ADGRB3: variants seen among roughly 807,000 people sequenced by gnomAD.
ADGRB3 encodes brain-specific angiogenesis inhibitor 3.
In ADGRB3, 37 loss-of-function variants were observed where a neutral mutation model predicts 193.4. That is an observed-to-expected ratio of 0.19 (90% CI 0.15 to 0.25). The LOEUF (loss-of-function observed/expected upper bound fraction) is 0.25. Ranked by LOEUF, ADGRB3 falls within the 10% of genes least tolerant of loss-of-function variation. The pLI is 1.00. For missense variants in ADGRB3, 1,637 were observed against 1,852.9 expected, an observed-to-expected ratio of 0.88 and a Z score of 2.14; for synonymous variants, 690 against 644.2, an observed-to-expected ratio of 1.07 and a Z score of -1.08.
At chr6:69,372,501 T>C in intron 30 of ADGRB3, 60 bp downstream of exon 30, 1 of 924,782 alleles carries the variant, frequency 1.1e-6, no homozygotes, top group East Asian at 3.2e-5. Flanking sequence ...AGATATATAG[T>C]TACTTAAAAA....
intron 3 of ADGRB3, among the ~76,000 whole-genome samples, chr6:68,876,203 T>C (rs1459103360): frequency 6.6e-6 from 1 of 152,136 alleles, no homozygotes; most frequent in African/African-American, 2.4e-5. Flanking sequence ...ACAAGATGAC[T>C]TACAGGTAAA....
intron 3 of ADGRB3, among the ~76,000 whole-genome samples, chr6:68,887,655 T>A (rs1022522432): frequency 8.0e-6 from 1 of 125,444 alleles, no homozygotes; most frequent in African/African-American, 2.5e-5. Context: ...CTTAACTCTT[T>A]GTTTAATATC....
intron 17 of ADGRB3, among the ~76,000 whole-genome samples, chr6:69,198,219 T>C (rs895996433): frequency 6.6e-6 from 1 of 152,046 alleles, no homozygotes; most frequent in African/African-American, 2.4e-5. Flanking sequence ...TTGTTGGTCT[T>C]ACTCATAATT....
At chr6:69,137,632 AC>A (rs1160114356) in intron 17 of ADGRB3, among the ~76,000 whole-genome samples, 1 of 152,050 alleles carries the variant, frequency 6.6e-6, no homozygotes, top group African/African-American at 2.4e-5. Flanking sequence ...CCCCATCTCT[AC>A]TAAAAATACA....
intron 16 of ADGRB3, among the ~76,000 whole-genome samples, chr6:69,070,917 A>C (rs906383696): frequency 6.6e-6 from 1 of 152,216 alleles, no homozygotes; most frequent in African/African-American, 2.4e-5. Context: ...AACTTGTTTC[A>C]GATCTCTGCT....
chr6:69,226,309 T>C (rs1001007681), intron 17 of ADGRB3, among the ~76,000 whole-genome samples: 73 of 152,220 alleles, frequency 4.8e-4, no homozygotes, highest in African/African-American at 1.8e-3. Context: ...ATTTGTTGAA[T>C]AAATGAATGA....
At chr6:69,161,685 C>G (rs967887380) in intron 17 of ADGRB3, among the ~76,000 whole-genome samples, 1 of 152,078 alleles carries the variant, frequency 6.6e-6, no homozygotes, top group African/African-American at 2.4e-5. Flanking sequence ...AATGTGTCAG[C>G]TAGGGATATG....
At chr6:68,958,870 A>AGTGTGTGTGT (rs66559521) in intron 8 of ADGRB3, among the ~76,000 whole-genome samples, 3 of 147,234 alleles carry the variant, frequency 2.0e-5, no homozygotes, top group South Asian at 2.2e-4. Flanking sequence ...AAAGAAAAAT[A>AGTGTGTGTGT]GTGTGTGTGT....
At chr6:68,862,721 A>G (rs568059831) in intron 3 of ADGRB3, among the ~76,000 whole-genome samples, 2 of 152,346 alleles carry the variant, frequency 1.3e-5, no homozygotes, top group South Asian at 4.1e-4. Context: ...TTCATAAAAC[A>G]ATGATCCCTG....
At chr6:68,926,302 T>C (rs551138586) in intron 3 of ADGRB3, among the ~76,000 whole-genome samples, 1 of 152,148 alleles carries the variant, frequency 6.6e-6, no homozygotes, top group South Asian at 2.1e-4. Flanking sequence ...TGAAAGTCCA[T>C]TTTTAATTCA....
chr6:69,302,919 G>C (rs915423270), intron 20 of ADGRB3, among the ~76,000 whole-genome samples: 1 of 151,924 alleles, frequency 6.6e-6, no homozygotes, highest in African/African-American at 2.4e-5. Context: ...AACAGGTGGA[G>C]AGTGAAGAAT....
intron 24 of ADGRB3, among the ~76,000 whole-genome samples, chr6:69,333,986 TAAAATAAAATAAAATA>T (rs1768786287): frequency 8.6e-6 from 1 of 116,162 alleles, no homozygotes; most frequent in Non-Finnish European, 1.7e-5. Context: ...TAAAATAAAA[TAAAATAAAATAAAATA>T]AAATAAAATA....
chr6:68,922,734 C>CA (rs1188824166), intron 3 of ADGRB3, among the ~76,000 whole-genome samples: 1 of 152,184 alleles, frequency 6.6e-6, no homozygotes, highest in Admixed American at 6.5e-5. Context: ...GTATGAGCTG[C>CA]ATCTCCTGAT....
chr6:69,165,382 T>C (rs1775104830), intron 17 of ADGRB3, among the ~76,000 whole-genome samples: 1 of 152,004 alleles, frequency 6.6e-6, no homozygotes, highest in East Asian at 1.9e-4. Flanking sequence ...CCTTGGGAAC[T>C]ATCTTCTCCC....
At position 69,388,778 on chromosome 6, in the gene ADGRB3, A is replaced by G. The variant is rs755846474; in HGVS notation, c.4456A>G (p.Asn1486Asp). 29 of 1,613,420 alleles carry G rather than the reference A, an allele frequency of 1.8e-5. No homozygotes were observed. The highest frequency in any genetic ancestry group is 2.5e-5 in the Non-Finnish European group (29 of 1,179,692). Reference sequence around the variant, plus strand: ...TGAATACCCGCATTACACCACAATCAATGTCTTAGACACAGAGGCAAAGGA... The same window carrying G: ...TGAATACCCGCATTACACCACAATCGATGTCTTAGACACAGAGGCAAAGGA... ...PSEYPHYTTI[N>D]VLDTEAKDAL... Residue 1486 changes from asparagine to aspartate, a missense_variant, in exon 32 of 32, where the codon AAT becomes GAT. Transcript: ENST00000370598.
At chr6:68,658,016 C>G (rs1417710986) in intron 3 of ADGRB3, among the ~76,000 whole-genome samples, 2 of 151,238 alleles carry the variant, frequency 1.3e-5, no homozygotes, top group African/African-American at 4.8e-5. Flanking sequence ...ACTACTAAGC[C>G]CATACTTTGT....
chr6:68,729,385 G>C (rs1383898456), intron 3 of ADGRB3, among the ~76,000 whole-genome samples: 1 of 151,608 alleles, frequency 6.6e-6, no homozygotes, highest in African/African-American at 2.4e-5. Flanking sequence ...GTACAGAAAT[G>C]ATATGCCATC....
In ADGRB3 at chr6:69,192,140, G is replaced by A. The variant is rs144912283; in HGVS notation, c.2481-41150G>A. 2.3e-3 allele frequency among the ~76,000 whole-genome samples: 347 copies of A among 152,278 alleles called. 3 individuals are homozygous for A. The highest frequency in any genetic ancestry group is 3.1e-3 in the Non-Finnish European group (212 of 68,004). ...GTATTGGCTCATACAGTCACAAGGT[G>A]AGGTCCCTCAATAGGCTGTCTGCAA... On this transcript the variant is annotated intron_variant, in intron 17 of 31. Coordinates refer to ENST00000370598, the MANE Select transcript of ADGRB3 (RefSeq NM_001704.3).
At chr6:69,029,038 G>A (rs1285237464) in intron 13 of ADGRB3, among the ~76,000 whole-genome samples, 1 of 152,106 alleles carries the variant, frequency 6.6e-6, no homozygotes, top group African/African-American at 2.4e-5. Flanking sequence ...CAGAGTGGGT[G>A]CATTTTTTTC....
Sources: allele counts gnomAD v4.1 joint callset (sites outside exome capture counted in the v4.1 genomes callset), GRCh38; gene constraint gnomAD v4.1.1; transcripts MANE v1.5; gene names NCBI Gene and HGNC (gene_info 2026-07-23, HGNC 2026-07-21).